Variants in NRXN3 observed in about 807,000 individuals in gnomAD.
NRXN3 encodes neurexin III.
In NRXN3, 32 loss-of-function variants were observed where a neutral mutation model predicts 137.6. The ratio of observed to expected loss-of-function variants is 0.23; its 90% CI spans 0.18 to 0.31. The LOEUF (loss-of-function observed/expected upper bound fraction) is 0.31, where lower values mean the gene tolerates loss of function less well. NRXN3 is among the 10% of genes least tolerant of loss of function. The pLI is 1.00. For synonymous variants in NRXN3, 798 were observed against 784.5 expected, an observed-to-expected ratio of 1.02 and a Z score of -0.29; for missense variants, 1,574 against 2,062.5, an observed-to-expected ratio of 0.76 and a Z score of 4.59.
intron 15 of NRXN3, among the ~76,000 whole-genome samples, chr14:79,082,191 C>G (rs1293587850): frequency 2.0e-5 from 3 of 151,892 alleles, no homozygotes; most frequent in East Asian, 3.9e-4. Context: ...TTTCAAGAAG[C>G]TGTTTTCTAC....
At chr14:79,399,561 A>G (rs1348440465) in intron 15 of NRXN3, among the ~76,000 whole-genome samples, 1 of 152,220 alleles carries the variant, frequency 6.6e-6, no homozygotes, top group African/African-American at 2.4e-5. Context: ...ATGGTGGGGA[A>G]CAAGCTCATT....
At chr14:78,859,183 C>T (rs531462576) in intron 10 of NRXN3, among the ~76,000 whole-genome samples, 22 of 152,194 alleles carry the variant, frequency 1.4e-4, no homozygotes, top group Non-Finnish European at 2.9e-4. Context: ...GAATAAGGTG[C>T]CTGCTTCTCT....
At chr14:79,788,008 A>C (rs1322135365) in intron 19 of NRXN3, among the ~76,000 whole-genome samples, 1 of 152,156 alleles carries the variant, frequency 6.6e-6, no homozygotes, top group Non-Finnish European at 1.5e-5. Context: ...GACATACCTG[A>C]GACTGGCTAA....
chr14:78,297,527 G>A (rs12588277), intron 3 of NRXN3, among the ~76,000 whole-genome samples: 37,365 of 151,990 alleles, frequency 0.25, 4,901 homozygotes, highest in East Asian at 0.49. Flanking sequence ...CTATTGCACA[G>A]AACAACGGTA....
chr14:78,975,264 A>G (rs2099460739), intron 14 of NRXN3, among the ~76,000 whole-genome samples: 1 of 151,898 alleles, frequency 6.6e-6, no homozygotes, highest in South Asian at 2.1e-4. Context: ...GTGTAGGGTC[A>G]TGGTGGTCAT....
chr14:78,446,071 A>G (rs2094409731), intron 4 of NRXN3, among the ~76,000 whole-genome samples: 1 of 152,204 alleles, frequency 6.6e-6, no homozygotes, highest in Non-Finnish European at 1.5e-5. Flanking sequence ...CAAGCTTGAC[A>G]GTGCGTGCAC....
chr14:78,236,739 C>CCT (rs397746624), intron 1 of NRXN3, among the ~76,000 whole-genome samples: 4 of 113,554 alleles, frequency 3.5e-5, no homozygotes, highest in Middle Eastern at 9.5e-3. Context: ...TCCCCCCCCC[C>CCT]TTTTTTTTGA....
intron 15 of NRXN3, among the ~76,000 whole-genome samples, chr14:79,375,685 AG>A (rs1023795018): frequency 3.3e-5 from 5 of 152,152 alleles, no homozygotes; most frequent in African/African-American, 1.2e-4. Flanking sequence ...GTTTTCACAC[AG>A]CCCCATTTTA....
intron 19 of NRXN3, among the ~76,000 whole-genome samples, chr14:79,712,759 T>C (rs1052793705): frequency 1.8e-4 from 28 of 152,138 alleles, no homozygotes; most frequent in African/African-American, 6.7e-4. Flanking sequence ...CCTTCTGGAG[T>C]CGTCTGACCT....
rs1347483842 is a variant in NRXN3, at chr14:79,697,954, G to C, written c.4014+17G>C. 7.5e-6 allele frequency: 12 copies of C among 1,597,830 alleles called. No individual in the cohort carries two copies. In the East Asian group the frequency reaches 2.7e-4, roughly 36 times the overall value. On this transcript the variant is annotated intron_variant, in intron 19 of 20. Coordinates refer to ENST00000335750, the MANE Select transcript of NRXN3 (RefSeq NM_001330195.2). Reference sequence around the variant, plus strand: ...AGCATTCAGGTAGGCCTTTTTCCAAGTATTAATTGCGTCTGTATTTTTATC... The same window carrying C: ...AGCATTCAGGTAGGCCTTTTTCCAACTATTAATTGCGTCTGTATTTTTATC...
Position 79,697,885 on chromosome 14 carries a change from C to T in NRXN3, c.3962C>T (p.Thr1321Ile), listed in dbSNP as rs1567926497. 1 of 1,613,202 alleles carries T rather than the reference C, an allele frequency of 6.2e-7. No homozygotes were observed. Among genetic ancestry groups the T allele is most frequent in the Non-Finnish European group, 8.5e-7 (1 of 1,179,420 alleles). The change falls in exon 19 of 21, where the codon ACT becomes ATT. Residue 1321 changes from threonine (T) to isoleucine (I), a missense_variant. Coordinates refer to ENST00000335750, the MANE Select transcript of NRXN3 (RefSeq NM_001330195.2). ...TCTACTACTGTCATGGAAACCACTA[C>T]TACAATGGCGACTACCACAACCCGT... is the stretch of plus-strand genomic sequence containing the variant. ...EMSTTVMETT[T>I]TMATTTTRKN...
rs2099414684 is a variant in NRXN3 at position 79,862,094 on chromosome 14, T to A, written c.*130T>A. 2 of 788,644 alleles carry A rather than the reference T, an allele frequency of 2.5e-6. No individual in the cohort carries two copies. The highest frequency in any genetic ancestry group is 3.7e-5 in the South Asian group (2 of 53,822). 48.9% of individuals were successfully genotyped at this position (788,644 alleles called of 1,614,324 possible). ...GAAATGGGGTATATAACCACGACTC[T>A]GGTGGGGAAAACCGTTTTTTAAAGG... On this transcript the variant is annotated 3_prime_UTR_variant, in exon 21 of 21. Transcript: ENST00000335750.
rs148968959 is a variant in NRXN3, at chr14:78,840,250, T to C, written c.2275+29906T>C. 4.7e-3 allele frequency among the ~76,000 whole-genome samples: 710 copies of C among 152,284 alleles called. 4 individuals are homozygous for C. Among genetic ancestry groups the C allele is most frequent in the South Asian group, 0.027 (128 of 4,824 alleles). Reference sequence around the variant, plus strand: ...GGCATTTATTAAATGCCAGATTTGATTTTAGCATTGTTTTAAGTTCTGTTA... The same window carrying C: ...GGCATTTATTAAATGCCAGATTTGACTTTAGCATTGTTTTAAGTTCTGTTA... On this transcript the variant is annotated intron_variant, in intron 10 of 20. Coordinates refer to ENST00000335750, the MANE Select transcript of NRXN3 (RefSeq NM_001330195.2).
intron 16 of NRXN3, among the ~76,000 whole-genome samples, chr14:79,605,536 G>T (rs1185314051): frequency 1.3e-5 from 2 of 151,928 alleles, no homozygotes; most frequent in African/African-American, 4.8e-5. Context: ...CACCCAGGCT[G>T]GAATGCAGTG....
chr14:78,421,630 C>T (rs2093450135), intron 4 of NRXN3, among the ~76,000 whole-genome samples: 1 of 152,100 alleles, frequency 6.6e-6, no homozygotes, highest in Admixed American at 6.5e-5. Context: ...GAGAAACAGA[C>T]AAACATTTTT....
chr14:79,083,275 T>C (rs927246387), intron 15 of NRXN3, among the ~76,000 whole-genome samples: 4 of 152,194 alleles, frequency 2.6e-5, no homozygotes, highest in Non-Finnish European at 4.4e-5. Context: ...TTATTTGATT[T>C]CACTAAAGCT....
chr14:79,214,038 C>A (rs542272802), intron 15 of NRXN3, among the ~76,000 whole-genome samples: 1 of 152,166 alleles, frequency 6.6e-6, no homozygotes. Context: ...GTAGTCATAA[C>A]CACACATAGC....
chr14:79,390,188 G>A (rs4903852), intron 15 of NRXN3, among the ~76,000 whole-genome samples: 47,138 of 151,554 alleles, frequency 0.31, 7,655 homozygotes, highest in Admixed American at 0.39. Flanking sequence ...GCGGTGGCGG[G>A]CACCTGTAGT....
intron 16 of NRXN3, among the ~76,000 whole-genome samples, chr14:79,567,820 T>A (rs541692799): frequency 7.9e-5 from 12 of 152,248 alleles, no homozygotes; most frequent in African/African-American, 2.2e-4. Flanking sequence ...TGGATGTAAG[T>A]TTGGGAACAG....
Sources: gnomAD v4.1 joint callset for allele counts (sites outside exome capture counted in the v4.1 genomes callset) on GRCh38, gnomAD v4.1.1 for gene constraint, MANE v1.5 for transcripts, NCBI Gene and HGNC (gene_info 2026-07-23, HGNC 2026-07-21) for gene names.